Variants in SKI observed in about 807,000 individuals in gnomAD.
SKI encodes SKI proto-oncogene, also known as ski oncogene.
Under a neutral mutation model 59.3 loss-of-function variants are expected in SKI, and 23 were observed. That is an observed-to-expected ratio of 0.39 (90% CI 0.28 to 0.55). The LOEUF (loss-of-function observed/expected upper bound fraction) is 0.55, where lower values mean the gene tolerates loss of function less well. Among genes scored for constraint, SKI ranks in the 20% least tolerant of loss-of-function variants. SKI has a pLI of 0.67. For synonymous variants in SKI, 673 were observed against 488.6 expected, an observed-to-expected ratio of 1.38 and a Z score of -4.98; for missense variants, 1,017 against 1,038.9, an observed-to-expected ratio of 0.98 and a Z score of 0.29.
Position 2,267,040 on chromosome 1 carries a change from C to T in SKI, c.970-35938C>T, listed in dbSNP as rs538938286. 6.6e-6 allele frequency among the ~76,000 whole-genome samples: 1 copy of T among 152,206 alleles called. No individual in the cohort carries two copies. The highest frequency in any genetic ancestry group is 2.4e-5 in the African/African-American group (1 of 41,516). On this transcript the variant is annotated intron_variant, in intron 1 of 6. Transcript: ENST00000378536. The surrounding 1 kb of genome is among the most constrained non-coding windows in gnomAD (Gnocchi z 4.1). ...CATCCATTGTGAGCGGATGTGTTTT[C>T]CTTCTGCAATAATTTTGGCTACATT...
rs781703488 is a variant in SKI at position 2,229,117 on chromosome 1, C to T, written c.351C>T (p.Gly117=). The T allele has an allele frequency of 1.9e-6, 3 of 1,610,360 alleles. No homozygotes were observed. The highest frequency in any genetic ancestry group is 2.2e-5 in the East Asian group (1 of 44,848). Residue 117 remains glycine, a synonymous_variant, in exon 1 of 7, where the codon GGC becomes GGT. Coordinates refer to ENST00000378536, the MANE Select transcript of SKI (RefSeq NM_003036.4). The surrounding 1 kb of genome is among the most constrained non-coding windows in gnomAD (Gnocchi z 6.3). ...CCATCTCGTGCTTCGTGGTGGGAGG[C>T]GAGAAGCGCCTGTGTCTGCCGCAGA... ...GETISCFVVG[G]EKRLCLPQIL... is the part of the protein sequence containing the mutation.
chr1:2,277,413 C>T (rs901609299), intron 1 of SKI, among the ~76,000 whole-genome samples: 3 of 152,118 alleles, frequency 2.0e-5, no homozygotes, highest in African/African-American at 4.8e-5. Context: ...GTGCTATTCT[C>T]GTGATAGTGA....
intron 1 of SKI, among the ~76,000 whole-genome samples, chr1:2,279,595 G>A (rs1027734280): frequency 2.0e-5 from 3 of 152,102 alleles, no homozygotes; most frequent in Non-Finnish European, 4.4e-5. Flanking sequence ...GGAGGGGAGA[G>A]CAGAGTGGGT....
Position 2,268,762 on chromosome 1 carries a change from G to C in SKI, c.970-34216G>C, listed in dbSNP as rs577942731. Among the ~76,000 whole-genome samples the C allele has an allele frequency of 1.3e-5, 2 of 152,218 alleles. No homozygotes were observed. The highest frequency in any genetic ancestry group is 2.9e-5 in the Non-Finnish European group (2 of 68,040). Reference sequence around the variant, plus strand: ...CAGGGAGAGGCCATGACAGGAGTGGGTGTGGGGACTGGTGGGGACAGCGAC... The same window carrying C: ...CAGGGAGAGGCCATGACAGGAGTGGCTGTGGGGACTGGTGGGGACAGCGAC... On this transcript the variant is annotated intron_variant, in intron 1 of 6. Coordinates refer to ENST00000378536, the MANE Select transcript of SKI (RefSeq NM_003036.4). This position sits in a 1 kb window ranked among gnomAD's most constrained non-coding sequence, Gnocchi z 5.0.
chr1:2,303,211 C>A lies in SKI; in HGVS notation c.1096-74C>A. ...CCTGCCCGCTACTGAGGGCTGGCACCCGGCGCAGCCTCAGGGACATGAAGT... is the reference window on the plus strand; with the variant it reads ...CCTGCCCGCTACTGAGGGCTGGCACACGGCGCAGCCTCAGGGACATGAAGT... On this transcript the variant is annotated intron_variant, in intron 2 of 6. Coordinates refer to ENST00000378536, the MANE Select transcript of SKI (RefSeq NM_003036.4). This position sits in a 1 kb window ranked among gnomAD's most constrained non-coding sequence, Gnocchi z 5.6. 1 of 1,597,470 alleles carries A rather than the reference C, an allele frequency of 6.3e-7. No homozygotes were observed.
chr1:2,285,395 A>G (rs1406757194), intron 1 of SKI, among the ~76,000 whole-genome samples: 1 of 151,778 alleles, frequency 6.6e-6, no homozygotes, highest in East Asian at 2.0e-4. Flanking sequence ...GGTGCCTGTA[A>G]TCCCAGCTAC....
At position 2,229,606 on chromosome 1, in the gene SKI, C is replaced by T. The variant is rs1423154745; in HGVS notation, c.840C>T (p.Asn280=). Residue 280 remains asparagine (N), a synonymous_variant, in exon 1 of 7, where the codon AAC becomes AAT. Transcript: ENST00000378536. This position sits in a 1 kb window ranked among gnomAD's most constrained non-coding sequence, Gnocchi z 6.3. ...GCCACTGGGGCTTCGACTCGGCCAACTGGCGGGCCTACATCCTGCTGAGCC... is the reference window on the plus strand; with the variant it reads ...GCCACTGGGGCTTCGACTCGGCCAATTGGCGGGCCTACATCCTGCTGAGCC... ...RTCHWGFDSA[N]WRAYILLSQD... 4 of 1,612,564 alleles carry T rather than the reference C, an allele frequency of 2.5e-6. No homozygotes were observed. The highest frequency in any genetic ancestry group is 3.3e-5 in the Admixed American group (2 of 60,022).
intron 1 of SKI, among the ~76,000 whole-genome samples, chr1:2,236,901 T>G (rs1638760082): frequency 6.6e-6 from 1 of 152,198 alleles, no homozygotes; most frequent in African/African-American, 2.4e-5. Context: ...GGCGGCTGAC[T>G]TAGAAAGAAA....
At chr1:2,304,252 G>A (rs750097447) in intron 4 of SKI, 41 bp from the exon 5 acceptor site, 2 of 1,552,004 alleles carry the variant, frequency 1.3e-6, no homozygotes, top group South Asian at 2.4e-5. Context: ...GAGCTGCCGG[G>A]CACTTCCATG....
chr1:2,289,602 G>C (rs1171698568), intron 1 of SKI, among the ~76,000 whole-genome samples: 2 of 138,154 alleles, frequency 1.4e-5, no homozygotes, highest in African/African-American at 5.5e-5. Flanking sequence ...GCAGGGCAGG[G>C]CAGGAGAACC....
At chr1:2,302,669 C>T (rs1442482151) in intron 1 of SKI, among the ~76,000 whole-genome samples, 1 of 152,124 alleles carries the variant, frequency 6.6e-6, no homozygotes, top group Non-Finnish European at 1.5e-5. Context: ...TCTTGGTGCT[C>T]CATCCCAAAC....
chr1:2,253,146 G>A lies in SKI; in HGVS notation c.969+23411G>A, dbSNP rs535365654. On this transcript the variant is annotated intron_variant, in intron 1 of 6. Coordinates refer to ENST00000378536, the MANE Select transcript of SKI (RefSeq NM_003036.4). ...TAAATTGGAGTAAATATTTCATAACGCGATTCAGTTCAGTTGCTTTAGCTG... is the reference window on the plus strand; with the variant it reads ...TAAATTGGAGTAAATATTTCATAACACGATTCAGTTCAGTTGCTTTAGCTG... Among the ~76,000 whole-genome samples the A allele has an allele frequency of 1.4e-4, 22 of 151,762 alleles. No individual in the cohort carries two copies. The South Asian group carries it at 4.4e-3, about 30-fold the overall frequency.
chr1:2,299,551 C>G (rs1640373591), intron 1 of SKI, among the ~76,000 whole-genome samples: 1 of 152,170 alleles, frequency 6.6e-6, no homozygotes, highest in Admixed American at 6.6e-5. Flanking sequence ...ACTCCAGCCT[C>G]CCTGCCAGGG....
intron 1 of SKI, among the ~76,000 whole-genome samples, chr1:2,246,696 T>C (rs1003819101): frequency 6.6e-6 from 1 of 152,142 alleles, no homozygotes; most frequent in Non-Finnish European, 1.5e-5. Context: ...TTCTGTGTGA[T>C]GAAGAGATGA....
intron 1 of SKI, among the ~76,000 whole-genome samples, chr1:2,297,122 T>G (rs953188143): frequency 6.6e-6 from 1 of 151,920 alleles, no homozygotes; most frequent in Non-Finnish European, 1.5e-5. Context: ...AAGTTTGTGT[T>G]TGGAGACACG....
At chr1:2,288,199 C>T (rs1640086166) in intron 1 of SKI, among the ~76,000 whole-genome samples, 1 of 152,144 alleles carries the variant, frequency 6.6e-6, no homozygotes, top group South Asian at 2.1e-4. Flanking sequence ...ATGGGCCAGG[C>T]TGGTCTCGAA....
At chr1:2,287,727 C>A (rs1281917968) in intron 1 of SKI, among the ~76,000 whole-genome samples, 2 of 152,062 alleles carry the variant, frequency 1.3e-5, no homozygotes, top group African/African-American at 2.4e-5. Flanking sequence ...GGGGTGGTCT[C>A]CCCCTAGAAG....
In SKI at chr1:2,309,028, G is replaced by C. The variant is rs185935070; in HGVS notation, c.*2263G>C. 1 of 152,246 alleles carries C rather than the reference G, an allele frequency of 6.6e-6. No homozygotes were observed. The highest frequency in any genetic ancestry group is 1.5e-5 in the Non-Finnish European group (1 of 68,068). The allele number at this position is 152,246 out of a possible 1,614,324, so 9.4% of individuals were successfully genotyped here. A position where few individuals can be genotyped will look rare whatever the true frequency, so the allele number is the denominator to read the frequency against. ...CCCGTGCGGTCAGTGGGACCCGGAC[G>C]TGGGCAGGCGAGCTCGGGACCCTCC... On this transcript the variant is annotated 3_prime_UTR_variant, in exon 7 of 7. Coordinates refer to ENST00000378536, the MANE Select transcript of SKI (RefSeq NM_003036.4).
intron 1 of SKI, among the ~76,000 whole-genome samples, chr1:2,262,778 C>T (rs1454835154): frequency 1.3e-5 from 2 of 151,944 alleles, no homozygotes; most frequent in Non-Finnish European, 2.9e-5. Context: ...CTTTCTATTT[C>T]AGGTTACTAA....
Sources: gnomAD v4.1 joint callset for allele counts (sites outside exome capture counted in the v4.1 genomes callset) on GRCh38, gnomAD v4.1.1 for gene constraint, Gnocchi (gnomAD v3.1) non-coding constraint, MANE v1.5 for transcripts, NCBI Gene and HGNC (gene_info 2026-07-23, HGNC 2026-07-21) for gene names.